FAM193A: variants seen among roughly 807,000 people sequenced by gnomAD.
The protein encoded by FAM193A is protein FAM193A.
FAM193A carries 22 observed loss-of-function variants against 126.5 expected under a neutral mutation model. The observed-to-expected ratio is 0.17, with a 90% CI of 0.12 to 0.25. The LOEUF is 0.25. FAM193A is among the 10% of genes least tolerant of loss of function. The probability of loss-of-function intolerance (pLI) is 1.00; values close to 1 mark genes in which losing one functional copy is unlikely to be tolerated. For synonymous variants in FAM193A, 761 were observed against 646.8 expected (o/e 1.18, Z -2.68); for missense variants, 1,675 against 1,672.8 (o/e 1.00, Z -0.02).
chr4:2,678,401 C>T (rs1489685264), intron 13 of FAM193A, among the ~76,000 whole-genome samples: 5 of 122,152 alleles, frequency 4.1e-5, no homozygotes, highest in South Asian at 5.5e-4. Context: ...CTCACTTTGT[C>T]GCCTACGCTG....
At position 2,564,361 on chromosome 4, in the gene FAM193A, G is replaced by C. The variant is rs147705347; in HGVS notation, c.255+27191G>C. The stretch of plus-strand genomic sequence containing the variant: ...GCCTCACCAAGTGCTGGGATTACAG[G>C]TGTGAGCCACCACCCCTGGCCAGGA... On this transcript the variant is annotated intron_variant, in intron 1 of 20. Coordinates refer to ENST00000637812, the MANE Select transcript of FAM193A (RefSeq NM_001366318.2). 9.3e-4 allele frequency among the ~76,000 whole-genome samples: 142 copies of C among 152,226 alleles called. No homozygotes were observed. In the East Asian group the frequency reaches 0.023, roughly 25 times the overall value.
rs150589938 is a variant in FAM193A, at chr4:2,590,506, CAAA to C, written c.256-5570_256-5568del. On this transcript the variant is annotated intron_variant, in intron 1 of 20. Transcript: ENST00000637812. ...AAAAACAAAAAAAAACAAAAAAAAA[CAAA>C]AAAAAAACAAAACAAAATTAAAAAA... 6.0e-5 allele frequency among the ~76,000 whole-genome samples: 2 copies of C among 33,220 alleles called. 1 individual carries two copies. The highest frequency in any genetic ancestry group is 1.1e-4 in the Non-Finnish European group (2 of 18,334). The allele number at this position is 33,220 out of a possible 152,430, so 21.8% of individuals were successfully genotyped here.
chr4:2,713,887 TC>T (rs1278749964), intron 19 of FAM193A, among the ~76,000 whole-genome samples: 1 of 152,194 alleles, frequency 6.6e-6, no homozygotes, highest in Non-Finnish European at 1.5e-5. Flanking sequence ...AATCCTTGGA[TC>T]AACTGATTTC....
intron 2 of FAM193A, among the ~76,000 whole-genome samples, chr4:2,620,670 G>A (rs1261180421): frequency 6.6e-6 from 1 of 151,636 alleles, no homozygotes; most frequent in Admixed American, 6.6e-5. Flanking sequence ...TCAACGTGGT[G>A]TAACCCCGTC....
intron 1 of FAM193A, among the ~76,000 whole-genome samples, chr4:2,562,631 T>A (rs1173975042): frequency 6.7e-6 from 1 of 149,540 alleles, no homozygotes; most frequent in African/African-American, 2.5e-5. Flanking sequence ...GCATTTCCTT[T>A]TTTTGTTTTT....
At chr4:2,663,016 A>G in intron 11 of FAM193A, 25 bp downstream of exon 11, 1 of 1,600,668 alleles carries the variant, frequency 6.2e-7, no homozygotes, top group Non-Finnish European at 8.6e-7. Context: ...TCTTCGTAGC[A>G]ACAATAAATG....
intron 1 of FAM193A, among the ~76,000 whole-genome samples, chr4:2,575,585 G>C (rs1295054587): frequency 6.7e-6 from 1 of 150,152 alleles, no homozygotes; most frequent in Non-Finnish European, 1.5e-5. Flanking sequence ...TCCTGCCTTA[G>C]CCTCCTGAGT....
At chr4:2,708,844 A>G (rs1424158628) in intron 19 of FAM193A, among the ~76,000 whole-genome samples, 1 of 152,190 alleles carries the variant, frequency 6.6e-6, no homozygotes, top group Non-Finnish European at 1.5e-5. Context: ...TTTTCCAGGC[A>G]TTCTATTATA....
intron 1 of FAM193A, among the ~76,000 whole-genome samples, chr4:2,577,829 A>G (rs1435252341): frequency 6.6e-6 from 1 of 152,202 alleles, no homozygotes; most frequent in Admixed American, 6.6e-5. Flanking sequence ...TTCTTCCCTC[A>G]AAATAATACT....
intron 4 of FAM193A, among the ~76,000 whole-genome samples, chr4:2,629,219 C>CA (rs150200524): frequency 0.023 from 3,177 of 135,792 alleles, 84 homozygotes; most frequent in Middle Eastern, 0.079. Flanking sequence ...CAGAAATAGA[C>CA]AAAAAAAAAA....
chr4:2,610,315 A>G (rs1449465882), intron 2 of FAM193A, among the ~76,000 whole-genome samples: 2 of 151,872 alleles, frequency 1.3e-5, no homozygotes, highest in East Asian at 3.9e-4. Context: ...CCATAGATCA[A>G]TCAAGGCATA....
intron 20 of FAM193A, among the ~76,000 whole-genome samples, chr4:2,719,305 C>T (rs182886757): frequency 3.9e-5 from 6 of 152,014 alleles, no homozygotes; most frequent in East Asian, 1.9e-4. Context: ...AGCAAGACTC[C>T]GTCTCAAAAA....
chr4:2,729,180 G>A (rs1352538825), intron 20 of FAM193A, among the ~76,000 whole-genome samples: 1 of 152,054 alleles, frequency 6.6e-6, no homozygotes, highest in Non-Finnish European at 1.5e-5. Context: ...TCAGGAATTG[G>A]GCAAGTGGGC....
At chr4:2,631,190 T>A in intron 5 of FAM193A, 21 bp downstream of exon 5, 1 of 1,583,922 alleles carries the variant, frequency 6.3e-7, no homozygotes, top group African/African-American at 1.3e-5. Flanking sequence ...AAACGTGTTT[T>A]TCTTTCTGTT....
intron 2 of FAM193A, among the ~76,000 whole-genome samples, chr4:2,621,174 G>T (rs1244514379): frequency 6.6e-6 from 1 of 152,164 alleles, no homozygotes; most frequent in African/African-American, 2.4e-5. Flanking sequence ...CCTGGAGGGA[G>T]ACCCCTTCTT....
At chr4:2,631,305 G>GTAGA in intron 5 of FAM193A, 136 bp downstream of exon 5, 1 of 722,144 alleles carries the variant, frequency 1.4e-6, no homozygotes, top group Non-Finnish European at 2.2e-6. Context: ...TCTTCTCTAC[G>GTAGA]GGAGAGGACC....
At chr4:2,544,794 A>G (rs1737447006) in intron 1 of FAM193A, among the ~76,000 whole-genome samples, 1 of 152,040 alleles carries the variant, frequency 6.6e-6, no homozygotes, top group African/African-American at 2.4e-5. Context: ...GCTTGAGCTC[A>G]GGAGTCTGAG....
intron 7 of FAM193A, among the ~76,000 whole-genome samples, chr4:2,655,715 G>T (rs537156694): frequency 2.7e-4 from 41 of 152,108 alleles, no homozygotes; most frequent in African/African-American, 9.2e-4. Flanking sequence ...AGGATCGCTT[G>T]AGCCCAGGAG....
chr4:2,727,162 G>C (rs939279520), intron 20 of FAM193A, among the ~76,000 whole-genome samples: 8 of 152,140 alleles, frequency 5.3e-5, no homozygotes, highest in Admixed American at 5.2e-4. Flanking sequence ...TGGAGGCTGA[G>C]GCAGGAGAAT....
Sources: gnomAD v4.1 joint callset for allele counts (sites outside exome capture counted in the v4.1 genomes callset) on GRCh38, gnomAD v4.1.1 for gene constraint, MANE v1.5 for transcripts, NCBI Gene and HGNC (gene_info 2026-07-23, HGNC 2026-07-21) for gene names.